The following DNAJA4 variants were observed in gnomAD, a reference collection of about 807,000 sequenced individuals.
DNAJA4 encodes the protein dnaJ homolog subfamily A member 4.
A neutral mutation model predicts 39.7 loss-of-function variants in DNAJA4; 32 were observed. The ratio of observed to expected loss-of-function variants is 0.81; its 90% confidence interval spans 0.61 to 1.08. The LOEUF (loss-of-function observed/expected upper bound fraction) is 1.08. Ranked by LOEUF, DNAJA4 falls within the 50% of genes least tolerant of loss-of-function variation. DNAJA4 has a pLI of 0.00. For missense variants in DNAJA4, 439 were observed against 505.1 expected, an observed-to-expected ratio of 0.87 and a Z score of 1.25; for synonymous variants, 184 against 182.4, an observed-to-expected ratio of 1.01 and a Z score of -0.07.
rs113791078 is a variant in DNAJA4, at chr15:78,274,360, C to T, written c.582C>T (p.Cys194=). 7.9e-5 allele frequency: 128 copies of T among 1,614,160 alleles called. No homozygotes were observed. The highest frequency in any genetic ancestry group is 6.6e-4 in the Middle Eastern group (4 of 6,062). The change falls in exon 4 of 7, where the codon TGC becomes TGT. Residue 194 remains cysteine, a synonymous_variant. Transcript: ENST00000394852. ...QGERINPKDR[C]ESCSGAKVIR... is the part of the protein sequence containing the mutation. ...AGCGCATCAACCCCAAGGACCGCTG[C>T]GAGAGCTGCAGCGGGGCCAAGGTGA...
In DNAJA4 at chr15:78,274,267, C is replaced by T. The variant is rs61752772; in HGVS notation, c.489C>T (p.Ile163=). Residue 163 remains isoleucine, a synonymous_variant, in exon 4 of 7, where the codon ATC becomes ATT. Transcript: ENST00000394852. ...LCKGRGMQIH[I]QQIGPGMVQQ... ...AGGGGCGGGGGATGCAGATCCACATCCAGCAGATCGGGCCGGGCATGGTAC... is the reference window on the plus strand; with the variant it reads ...AGGGGCGGGGGATGCAGATCCACATTCAGCAGATCGGGCCGGGCATGGTAC... 1.2e-6 allele frequency: 2 copies of T among 1,614,048 alleles called. No individual in the cohort carries two copies.
Position 78,279,333 on chromosome 15 carries a change from C to T in DNAJA4, c.878-712C>T. ...TGAAGAGCATGCTTTATCAGAAACC[C>T]TTTTGTCCCTTTCCTTTTCCATGCT... On this transcript the variant is annotated intron_variant, in intron 5 of 6. Transcript: ENST00000394852. This position sits in a 1 kb window ranked among gnomAD's most constrained non-coding sequence, Gnocchi z 4.5. The T allele has an allele frequency of 6.6e-6, 1 of 152,280 alleles. No homozygotes were observed. The highest frequency in any genetic ancestry group is 1.9e-4 in the East Asian group (1 of 5,202). 9.4% of individuals were successfully genotyped at this position (152,280 alleles called of 1,614,324 possible).
intron 1 of DNAJA4, chr15:78,266,068 C>T (rs926722279): frequency 1.6e-6 from 1 of 621,888 alleles, no homozygotes; most frequent in African/African-American, 1.8e-5. Flanking sequence ...CACTTGCGTT[C>T]TTTCTCATCT....
At position 78,279,880 on chromosome 15, in the gene DNAJA4, T is replaced by C. The variant is rs1023859686; in HGVS notation, c.878-165T>C. On this transcript the variant is annotated intron_variant, in intron 5 of 6. Coordinates refer to ENST00000394852, the MANE Select transcript of DNAJA4 (RefSeq NM_001130182.2). The surrounding 1 kb of genome is among the most constrained non-coding windows in gnomAD (Gnocchi z 4.5). ...CTGAGCCCCTTCCCCAGGCAGTACC[T>C]GACAAGGATACCTGGGATTGGGGCC... The C allele has an allele frequency of 4.1e-5, 26 of 637,736 alleles. No homozygotes were observed. The African/African-American group carries it at 4.2e-4, about 10-fold the overall frequency. 39.5% of individuals were successfully genotyped at this position (637,736 alleles called of 1,614,324 possible).
chr15:78,268,130 C>G (rs1027523777), intron 1 of DNAJA4, among the ~76,000 whole-genome samples: 1 of 152,194 alleles, frequency 6.6e-6, no homozygotes, highest in Non-Finnish European at 1.5e-5. Context: ...TCTATTAAGT[C>G]TAAATGACAT....
At chr15:78,276,430 C>G (rs1347404360) in intron 5 of DNAJA4, among the ~76,000 whole-genome samples, 2 of 152,350 alleles carry the variant, frequency 1.3e-5, no homozygotes, top group South Asian at 2.1e-4. Context: ...CCCCAACCCC[C>G]CTGTAGACAC....
intron 5 of DNAJA4, chr15:78,278,147 C>A: frequency 2.2e-6 from 1 of 455,982 alleles, no homozygotes; most frequent in Non-Finnish European, 4.4e-6. Context: ...GTGTGATGGC[C>A]CTGCCTGCAG....
intron 4 of DNAJA4, chr15:78,274,742 C>T (rs1327186969): frequency 2.8e-5 from 11 of 391,774 alleles, no homozygotes; most frequent in Admixed American, 2.7e-4. Context: ...ATTCTCAAGC[C>T]ATTCCTCTAG....
chr15:78,277,826 C>T, intron 5 of DNAJA4: 1 of 349,236 alleles, frequency 2.9e-6, no homozygotes, highest in East Asian at 7.6e-5. Flanking sequence ...AGTGGCAAAT[C>T]CCAAGAAATC....
At chr15:78,273,611 T>C (rs2141449695) in intron 3 of DNAJA4, among the ~76,000 whole-genome samples, 1 of 152,354 alleles carries the variant, frequency 6.6e-6, no homozygotes, top group East Asian at 1.9e-4. Flanking sequence ...GAGTCTTTTG[T>C]AGCTAGTTCA....
rs777934993 is a variant in DNAJA4, at chr15:78,280,081, G to A, written c.914G>A (p.Arg305His). The change falls in exon 6 of 7, where the codon CGC (arginine) becomes CAC (histidine). Residue 305 changes from arginine to histidine, a missense_variant. Arg to His is a conservative substitution (Grantham distance 29). Coordinates refer to ENST00000394852, the MANE Select transcript of DNAJA4 (RefSeq NM_001130182.2). ...VIKHGDLRCV[R>H]DEGMPIYKAP... is the part of the protein sequence containing the mutation. ...AAGCACGGGGACCTGAGATGCGTGC[G>A]CGATGAAGGAATGCCCATCTACAAA... The A allele has an allele frequency of 1.5e-5, 25 of 1,614,116 alleles. No homozygotes were observed. Among genetic ancestry groups the A allele is most frequent in the African/African-American group, 5.3e-5 (4 of 74,934 alleles).
At chr15:78,277,719 A>G (rs1340505228) in intron 5 of DNAJA4, 2 of 317,916 alleles carry the variant, frequency 6.3e-6, no homozygotes, top group Non-Finnish European at 1.2e-5. Flanking sequence ...GGCCCCACCA[A>G]GAGCCAGCGT....
chr15:78,265,486 C>G, intron 1 of DNAJA4: 2 of 702,340 alleles, frequency 2.8e-6, no homozygotes, highest in Non-Finnish European at 2.6e-6. Context: ...AACAGGGACA[C>G]GGACATCTGC....
chr15:78,276,895 C>T (rs2141460989), intron 5 of DNAJA4, among the ~76,000 whole-genome samples: 1 of 152,318 alleles, frequency 6.6e-6, no homozygotes, highest in East Asian at 1.9e-4. Flanking sequence ...CCCTTCCCCT[C>T]CTTGTCTGCT....
At chr15:78,271,352 G>C (rs928063563) in intron 2 of DNAJA4, among the ~76,000 whole-genome samples, 4 of 152,124 alleles carry the variant, frequency 2.6e-5, no homozygotes, top group Admixed American at 1.3e-4. Context: ...TACCGAGAGT[G>C]TTCCTCTCTC....
At chr15:78,277,587 A>G (rs2049506253) in intron 5 of DNAJA4, among the ~76,000 whole-genome samples, 1 of 152,212 alleles carries the variant, frequency 6.6e-6, no homozygotes, top group African/African-American at 2.4e-5. Flanking sequence ...CATTGTGTCC[A>G]AGATGCCCTT....
intron 1 of DNAJA4, chr15:78,265,345 T>G: frequency 1.6e-6 from 1 of 627,942 alleles, no homozygotes; most frequent in East Asian, 2.7e-5. Flanking sequence ...GGGATGAGTG[T>G]CTTTAATCTG....
In DNAJA4 at chr15:78,274,398, A is replaced by C; in HGVS notation, c.620A>C (p.Lys207Thr). The C allele has an allele frequency of 6.2e-7, 1 of 1,614,160 alleles. No individual in the cohort carries two copies. ...GGGGCCAAGGTGATCCGTGAGAAGA[A>C]GATTATCGAGGTACATGTTGAAAAA... ...CSGAKVIREK[K>T]IIEVHVEKGM... Residue 207 changes from lysine (K) to threonine (T), a missense_variant, in exon 4 of 7, where the codon AAG (lysine) becomes ACG (threonine). By Grantham distance (78) the Lys-to-Thr change is moderately conservative (BLOSUM62 -1). Transcript: ENST00000394852.
rs199980243 is a variant in DNAJA4, at chr15:78,270,589, A to G, written c.225A>G (p.Gly75=). ...GCGGAGAGCAGGCAATTAAAGAAGG[A>G]GGCTCAGGCAGCCCCAGCTTCTCTT... The part of the protein sequence containing the change: ...DQGGEQAIKE[G]GSGSPSFSSP... The change falls in exon 2 of 7, where the codon GGA becomes GGG. Residue 75 remains glycine, a synonymous_variant. Coordinates refer to ENST00000394852, the MANE Select transcript of DNAJA4 (RefSeq NM_001130182.2). 28 of 1,614,230 alleles carry G rather than the reference A, an allele frequency of 1.7e-5. No individual in the cohort carries two copies. The highest frequency in any genetic ancestry group is 2.4e-5 in the Non-Finnish European group (28 of 1,180,030).
Sources: allele counts gnomAD v4.1 joint callset (sites outside exome capture counted in the v4.1 genomes callset), GRCh38; gene constraint gnomAD v4.1.1; non-coding constraint Gnocchi (gnomAD v3.1); transcripts MANE v1.5; gene names NCBI Gene and HGNC (gene_info 2026-07-23, HGNC 2026-07-21).